The following NRXN3 variants were observed in gnomAD, a reference collection of about 807,000 sequenced individuals.
The protein encoded by NRXN3 is neurexin 3.
In NRXN3, 32 loss-of-function variants were observed where a neutral mutation model predicts 137.6. That is an observed-to-expected ratio of 0.23 (90% CI 0.18 to 0.31). The LOEUF (loss-of-function observed/expected upper bound fraction) is 0.31. Ranked by LOEUF, NRXN3 falls within the 10% of genes least tolerant of loss-of-function variation. The probability of loss-of-function intolerance (pLI) is 1.00; values close to 1 mark genes in which losing one functional copy is unlikely to be tolerated. For missense variants in NRXN3, 1,574 were observed against 2,062.5 expected (o/e 0.76, Z 4.59); for synonymous variants, 798 against 784.5 (o/e 1.02, Z -0.29).
chr14:79,808,460 A>G (rs933350107), intron 20 of NRXN3, among the ~76,000 whole-genome samples: 1 of 151,916 alleles, frequency 6.6e-6, no homozygotes, highest in South Asian at 2.1e-4. Context: ...GCAATTCTAC[A>G]TTACCACTAA....
intron 15 of NRXN3, among the ~76,000 whole-genome samples, chr14:79,355,480 C>G (rs2093391303): frequency 6.6e-6 from 1 of 152,194 alleles, no homozygotes; most frequent in Non-Finnish European, 1.5e-5. Flanking sequence ...CTATTTTACC[C>G]TTGCAGCAAC....
At chr14:79,285,557 A>G (rs1325879423) in intron 15 of NRXN3, among the ~76,000 whole-genome samples, 4 of 152,102 alleles carry the variant, frequency 2.6e-5, no homozygotes, top group African/African-American at 4.8e-5. Flanking sequence ...TCTTTCTGAC[A>G]TCTCTCTCCT....
At chr14:79,120,292 C>T (rs1006987704) in intron 15 of NRXN3, among the ~76,000 whole-genome samples, 3 of 152,092 alleles carry the variant, frequency 2.0e-5, no homozygotes, top group East Asian at 1.9e-4. Flanking sequence ...GAACCTTGTG[C>T]AAATGAGTGT....
chr14:79,031,549 G>A (rs539563579), intron 15 of NRXN3, among the ~76,000 whole-genome samples: 2 of 152,200 alleles, frequency 1.3e-5, no homozygotes, highest in African/African-American at 2.4e-5. Flanking sequence ...GCACTATAAG[G>A]TTCACAAGGA....
intron 10 of NRXN3, among the ~76,000 whole-genome samples, chr14:78,821,588 G>T (rs1440269052): frequency 6.6e-6 from 1 of 151,838 alleles, no homozygotes; most frequent in African/African-American, 2.4e-5. Context: ...GGGACACAAA[G>T]AAGTATTCAC....
chr14:79,691,164 A>G (rs1320589877), intron 17 of NRXN3, among the ~76,000 whole-genome samples: 1 of 152,072 alleles, frequency 6.6e-6, no homozygotes, highest in African/African-American at 2.4e-5. Context: ...TGTCCTAATT[A>G]TGGAAACCAT....
chr14:79,102,880 A>G lies in NRXN3; in HGVS notation c.3262+114739A>G, dbSNP rs1203217322. Among the ~76,000 whole-genome samples the G allele has an allele frequency of 3.3e-5, 5 of 152,178 alleles. No homozygotes were observed. The East Asian group carries it at 9.6e-4, about 29-fold the overall frequency. Reference sequence around the variant, plus strand: ...TGAAAAAATGGTAGTAAGTGAGAAAAAGGTGAATTAAGATCAAATTGTGAA... The same window carrying G: ...TGAAAAAATGGTAGTAAGTGAGAAAGAGGTGAATTAAGATCAAATTGTGAA... On this transcript the variant is annotated intron_variant, in intron 15 of 20. Transcript: ENST00000335750.
At chr14:78,426,949 C>T (rs574223473) in intron 4 of NRXN3, among the ~76,000 whole-genome samples, 4 of 152,212 alleles carry the variant, frequency 2.6e-5, no homozygotes, top group East Asian at 1.9e-4. Context: ...CATGTTCAGC[C>T]CTCAAGTTTG....
intron 11 of NRXN3, among the ~76,000 whole-genome samples, chr14:78,960,695 G>A (rs938182672): frequency 1.9e-4 from 29 of 152,122 alleles, no homozygotes; most frequent in African/African-American, 6.8e-4. Context: ...TGCATGAACT[G>A]CCTCCTCTGC....
At chr14:78,363,727 C>T (rs2085483874) in intron 4 of NRXN3, among the ~76,000 whole-genome samples, 1 of 152,160 alleles carries the variant, frequency 6.6e-6, no homozygotes, top group African/African-American at 2.4e-5. Context: ...TCCATGCATC[C>T]ACTGTGAACT....
intron 4 of NRXN3, among the ~76,000 whole-genome samples, chr14:78,373,946 G>T (rs531515236): frequency 9.9e-5 from 15 of 152,190 alleles, no homozygotes; most frequent in African/African-American, 3.4e-4. Context: ...AAAAAATATT[G>T]GTTTTTATTT....
intron 15 of NRXN3, among the ~76,000 whole-genome samples, chr14:79,263,825 G>T (rs72688965): frequency 7.1e-6 from 1 of 141,420 alleles, no homozygotes; most frequent in African/African-American, 3.0e-5. Context: ...ACACAACTCC[G>T]GGGGCACAAT....
At chr14:78,197,083 G>C (rs374123785) in intron 1 of NRXN3, among the ~76,000 whole-genome samples, 266 of 152,312 alleles carry the variant, frequency 1.7e-3, no homozygotes, top group African/African-American at 5.9e-3. Context: ...CTGGAGCTGC[G>C]GAAGTGTGGC....
rs74341797 is a variant in NRXN3 at position 78,365,594 on chromosome 14, C to G, written c.757+67734C>G. 8.2e-3 allele frequency among the ~76,000 whole-genome samples: 1,245 copies of G among 152,234 alleles called. 39 individuals are homozygous for G. In the East Asian group the frequency reaches 0.085, roughly 10 times the overall value. ...GCAGGGAAAGCTGGGACATGTTGAC[C>G]GGCTATGAGTCCAGTAGGTAAAGAA... On this transcript the variant is annotated intron_variant, in intron 4 of 20. Transcript: ENST00000335750.
intron 15 of NRXN3, among the ~76,000 whole-genome samples, chr14:79,067,070 T>G (rs796404960): frequency 1.3e-5 from 2 of 152,170 alleles, no homozygotes; most frequent in South Asian, 4.1e-4. Context: ...TGTTTCCAGC[T>G]TTTGCCCTGC....
intron 16 of NRXN3, among the ~76,000 whole-genome samples, chr14:79,537,537 A>G (rs893762428): frequency 2.0e-5 from 3 of 151,776 alleles, no homozygotes; most frequent in Non-Finnish European, 4.4e-5. Context: ...GACAACATGC[A>G]GTGTTTGGTT....
At chr14:78,617,966 A>G (rs1346057853) in intron 4 of NRXN3, among the ~76,000 whole-genome samples, 3 of 151,056 alleles carry the variant, frequency 2.0e-5, no homozygotes, top group African/African-American at 4.9e-5. Flanking sequence ...ATTATCACCT[A>G]TTTATCTTTC....
At chr14:79,631,361 G>A (rs758055723) in intron 16 of NRXN3, among the ~76,000 whole-genome samples, 22 of 152,268 alleles carry the variant, frequency 1.4e-4, no homozygotes, top group African/African-American at 2.7e-4. Context: ...CTCTGGCTGC[G>A]CTGGAAGAGC....
chr14:79,772,426 G>A (rs1242684157), intron 19 of NRXN3, among the ~76,000 whole-genome samples: 1 of 152,078 alleles, frequency 6.6e-6, no homozygotes, highest in Non-Finnish European at 1.5e-5. Context: ...TACCAAAACA[G>A]AGATATAGAT....
Sources: gnomAD v4.1 joint callset for allele counts (sites outside exome capture counted in the v4.1 genomes callset) on GRCh38, gnomAD v4.1.1 for gene constraint, MANE v1.5 for transcripts, NCBI Gene and HGNC (gene_info 2026-07-23, HGNC 2026-07-21) for gene names.